CDK14: variants seen among roughly 807,000 people sequenced by gnomAD.
The protein encoded by CDK14 is cyclin-dependent kinase 14.
In CDK14, 34 loss-of-function variants were observed where a neutral mutation model predicts 60.7. The ratio of observed to expected loss-of-function variants is 0.56; its 90% confidence interval spans 0.43 to 0.75. CDK14 has a LOEUF of 0.75. Ranked by LOEUF, CDK14 falls within the 30% of genes least tolerant of loss-of-function variation. CDK14 has a pLI of 0.00. For synonymous variants in CDK14, 197 were observed against 203.7 expected (o/e 0.97, Z 0.28); for missense variants, 482 against 564.1 (o/e 0.85, Z 1.47).
At chr7:91,194,317 G>C (rs1453710015) in intron 14 of CDK14, among the ~76,000 whole-genome samples, 3 of 152,030 alleles carry the variant, frequency 2.0e-5, no homozygotes, top group Non-Finnish European at 4.4e-5. Context: ...GAGCTTTTTT[G>C]TTTTAGCATT....
chr7:91,106,007 T>C (rs1011524411), intron 12 of CDK14, among the ~76,000 whole-genome samples: 2 of 151,928 alleles, frequency 1.3e-5, no homozygotes, highest in African/African-American at 4.8e-5. Context: ...ATGGAAAACA[T>C]GAAAGAGTAA....
At chr7:90,710,234 G>A (rs1584809582) in intron 2 of CDK14, 1 of 985,248 alleles carries the variant, frequency 1.0e-6, no homozygotes, top group East Asian at 1.1e-4. Context: ...ATAAGATGGG[G>A]AAAAGGTTTA....
In CDK14 at chr7:91,073,293, A is replaced by T. The variant is rs1423536508; in HGVS notation, c.1106-6139A>T. Among the ~76,000 whole-genome samples, 6 of 152,242 alleles carry T rather than the reference A, an allele frequency of 3.9e-5. No individual in the cohort carries two copies. In the East Asian group the frequency reaches 7.7e-4, roughly 20 times the overall value. On this transcript the variant is annotated intron_variant, in intron 11 of 14. Coordinates refer to ENST00000380050, the MANE Select transcript of CDK14 (RefSeq NM_001287135.2). ...TGACCTACAAAGGGAAGCCCATCAG[A>T]CTAACAGCTGATCTCTCAGCAGAAA...
At chr7:90,856,823 T>C (rs1218227796) in intron 5 of CDK14, among the ~76,000 whole-genome samples, 1 of 151,844 alleles carries the variant, frequency 6.6e-6, no homozygotes, top group African/African-American at 2.4e-5. Flanking sequence ...GAAAAAAAAG[T>C]TGATGTTTGT....
At chr7:90,938,101 C>A (rs1419509104) in intron 8 of CDK14, among the ~76,000 whole-genome samples, 4 of 152,154 alleles carry the variant, frequency 2.6e-5, no homozygotes, top group Non-Finnish European at 4.4e-5. Context: ...AATTGTAGAT[C>A]CTAAATCATA....
chr7:90,866,637 T>G (rs1791203064), intron 6 of CDK14, among the ~76,000 whole-genome samples: 1 of 152,192 alleles, frequency 6.6e-6, no homozygotes, highest in East Asian at 1.9e-4. Flanking sequence ...GATTCTTATT[T>G]ATAATATGTA....
rs565049082 is a variant in CDK14 at position 91,083,455 on chromosome 7, A to T, written c.1154+3975A>T. 2.6e-4 allele frequency among the ~76,000 whole-genome samples: 39 copies of T among 152,252 alleles called. 1 individual carries two copies. The South Asian group carries it at 8.1e-3, about 32-fold the overall frequency. On this transcript the variant is annotated intron_variant, in intron 12 of 14. Coordinates refer to ENST00000380050, the MANE Select transcript of CDK14 (RefSeq NM_001287135.2). ...CTGTTTTCAATATGCAGACAGTCCAATCCAAGCAGGTCTCTTGTCCTGACC... is the reference window on the plus strand; with the variant it reads ...CTGTTTTCAATATGCAGACAGTCCATTCCAAGCAGGTCTCTTGTCCTGACC...
At chr7:90,932,415 G>A (rs1793621252) in intron 8 of CDK14, among the ~76,000 whole-genome samples, 1 of 152,122 alleles carries the variant, frequency 6.6e-6, no homozygotes, top group African/African-American at 2.4e-5. Flanking sequence ...TAGGAAAAAT[G>A]TCCTTGATCA....
chr7:90,750,193 CACACACA>C (rs1562752194), intron 4 of CDK14, among the ~76,000 whole-genome samples: 7 of 84,960 alleles, frequency 8.2e-5, no homozygotes, highest in South Asian at 8.7e-4. Flanking sequence ...CACACACACA[CACACACA>C]CCAATAATAT....
chr7:90,774,354 T>C (rs914999606), intron 4 of CDK14, among the ~76,000 whole-genome samples: 1 of 152,196 alleles, frequency 6.6e-6, no homozygotes, highest in Non-Finnish European at 1.5e-5. Flanking sequence ...TTTAATTGAA[T>C]AACTTTTTAA....
intron 2 of CDK14, among the ~76,000 whole-genome samples, chr7:90,644,324 C>A (rs1390247904): frequency 6.6e-6 from 1 of 152,202 alleles, no homozygotes; most frequent in Admixed American, 6.5e-5. Flanking sequence ...TTATTTATTA[C>A]CTAACATATA....
chr7:90,636,031 T>C (rs566984933), intron 2 of CDK14, among the ~76,000 whole-genome samples: 3 of 151,354 alleles, frequency 2.0e-5, no homozygotes, highest in African/African-American at 4.9e-5. Context: ...AAGGAGATTT[T>C]GGGCTGAGAC....
intron 3 of CDK14, among the ~76,000 whole-genome samples, 196 bp downstream of exon 3, chr7:90,727,008 T>C (rs1306518933): frequency 6.6e-6 from 1 of 152,180 alleles, no homozygotes; most frequent in African/African-American, 2.4e-5. Context: ...AGCAAGCAAA[T>C]GAATGAAATG....
intron 8 of CDK14, among the ~76,000 whole-genome samples, chr7:90,940,689 G>T (rs1793898208): frequency 1.3e-5 from 2 of 152,096 alleles, no homozygotes; most frequent in Admixed American, 1.3e-4. Flanking sequence ...AGGAGGCTGA[G>T]GTGGGAAGGT....
intron 14 of CDK14, among the ~76,000 whole-genome samples, chr7:91,158,615 GAGA>G (rs1238563018): frequency 6.6e-6 from 1 of 152,098 alleles, no homozygotes; most frequent in Non-Finnish European, 1.5e-5. Flanking sequence ...TCTAGTTTTG[GAGA>G]AGTTTTTCTG....
chr7:91,018,851 A>G (rs999633920), intron 10 of CDK14, among the ~76,000 whole-genome samples: 11 of 152,208 alleles, frequency 7.2e-5, no homozygotes, highest in Admixed American at 5.9e-4. Context: ...CAGTGAGCCA[A>G]TTAAACCTCT....
intron 2 of CDK14, among the ~76,000 whole-genome samples, chr7:90,655,207 AC>A (rs1270628004): frequency 6.6e-6 from 1 of 152,138 alleles, no homozygotes; most frequent in East Asian, 1.9e-4. Context: ...GTATGGATGT[AC>A]CATAGTTTGT....
intron 2 of CDK14, among the ~76,000 whole-genome samples, chr7:90,723,979 G>A (rs932897883): frequency 6.6e-6 from 1 of 152,128 alleles, no homozygotes; most frequent in African/African-American, 2.4e-5. Context: ...CTCTTCATCA[G>A]TATTTTGAAA....
At chr7:90,608,566 T>A in intron 2 of CDK14, 1 of 984,748 alleles carries the variant, frequency 1.0e-6, no homozygotes, top group Non-Finnish European at 1.2e-6. Flanking sequence ...TGGCTCTGCC[T>A]GGCTCTTTGG....
Sources: gnomAD v4.1 joint callset for allele counts (sites outside exome capture counted in the v4.1 genomes callset) on GRCh38, gnomAD v4.1.1 for gene constraint, MANE v1.5 for transcripts, NCBI Gene and HGNC (gene_info 2026-07-23, HGNC 2026-07-21) for gene names.